Variants in NLGN1 observed in about 807,000 individuals in gnomAD.
The protein encoded by NLGN1 is neuroligin-1.
NLGN1 carries 12 observed loss-of-function variants against 65.5 expected under a neutral mutation model. The ratio of observed to expected loss-of-function variants is 0.18; its 90% CI spans 0.12 to 0.30. The LOEUF (loss-of-function observed/expected upper bound fraction) is 0.30. Among genes scored for constraint, NLGN1 ranks in the 10% least tolerant of loss-of-function variants. The pLI, the probability that NLGN1 is intolerant of heterozygous loss-of-function variation, is 1.00. For synonymous variants in NLGN1, 350 were observed against 359.5 expected (o/e 0.97, Z 0.30); for missense variants, 750 against 1,007.1 (o/e 0.74, Z 3.46).
At chr3:174,232,880 A>G (rs990893349) in intron 4 of NLGN1, among the ~76,000 whole-genome samples, 1 of 152,186 alleles carries the variant, frequency 6.6e-6, no homozygotes, top group African/African-American at 2.4e-5. Context: ...ATTAATGGAG[A>G]TTCTCTACAA....
downstream of NLGN1, among the ~76,000 whole-genome samples, chr3:174,287,144 C>G (rs1007318299): frequency 6.6e-6 from 1 of 151,238 alleles, no homozygotes; most frequent in African/African-American, 2.4e-5. Flanking sequence ...AAGTCTTGAT[C>G]AAATCATGTC....
intron 4 of NLGN1, among the ~76,000 whole-genome samples, chr3:173,827,700 T>A (rs932663235): frequency 7.3e-5 from 11 of 151,344 alleles, no homozygotes; most frequent in Non-Finnish European, 7.4e-5. Flanking sequence ...GGAAATTGGC[T>A]AATGCAAGTA....
chr3:174,140,635 A>G (rs1046434628), intron 4 of NLGN1, among the ~76,000 whole-genome samples: 1 of 152,152 alleles, frequency 6.6e-6, no homozygotes, highest in Admixed American at 6.5e-5. Flanking sequence ...GGGCTTAGCC[A>G]TTACTCCACG....
intron 2 of NLGN1, among the ~76,000 whole-genome samples, chr3:173,475,178 T>C (rs146517977): frequency 6.5e-4 from 99 of 152,290 alleles, no homozygotes; most frequent in African/African-American, 2.3e-3. Context: ...CTGTAATTAC[T>C]AAAGTTTGTG....
rs146793538 is a variant in NLGN1 at position 174,063,034 on chromosome 3, A to G, written c.647-212281A>G. On this transcript the variant is annotated intron_variant, in intron 4 of 6. Transcript: ENST00000457714. Reference sequence around the variant, plus strand: ...CCAGGCTTTGGAAAGTTTCCTCTGAAAGAAAACTCTATTATCTAGCAAAGA... The same window carrying G: ...CCAGGCTTTGGAAAGTTTCCTCTGAGAGAAAACTCTATTATCTAGCAAAGA... Among the ~76,000 whole-genome samples, 407 of 152,242 alleles carry G rather than the reference A, an allele frequency of 2.7e-3. 1 individual carries two copies. The highest frequency in any genetic ancestry group is 8.4e-3 in the African/African-American group (348 of 41,578).
intron 2 of NLGN1, among the ~76,000 whole-genome samples, chr3:173,601,916 G>A (rs1191059210): frequency 6.6e-6 from 1 of 151,952 alleles, no homozygotes; most frequent in Non-Finnish European, 1.5e-5. Context: ...TTCGTCTTCT[G>A]AAGAAACATA....
chr3:173,954,029 G>T (rs1430556898), intron 4 of NLGN1, among the ~76,000 whole-genome samples: 1 of 151,834 alleles, frequency 6.6e-6, no homozygotes, highest in Non-Finnish European at 1.5e-5. Context: ...AATAAATGAG[G>T]TATCTGAGAG....
intron 4 of NLGN1, among the ~76,000 whole-genome samples, chr3:174,062,278 G>A (rs898437676): frequency 3.3e-5 from 5 of 152,042 alleles, no homozygotes; most frequent in African/African-American, 1.2e-4. Context: ...TAATTATTAT[G>A]TTGTATTATC....
In NLGN1 at chr3:173,684,644, C is replaced by T. The variant is rs934870468; in HGVS notation, c.493+79553C>T. Among the ~76,000 whole-genome samples, 3 of 152,148 alleles carry T rather than the reference C, an allele frequency of 2.0e-5. No individual in the cohort carries two copies. The South Asian group carries it at 6.2e-4, about 32-fold the overall frequency. On this transcript the variant is annotated intron_variant, in intron 3 of 6. Transcript: ENST00000457714. ...CTAAGCTCATGTGACGTCCAATTTA[C>T]ATCATATTGGAAATGTCAGTCACTG... is the stretch of plus-strand genomic sequence containing the variant.
intron 2 of NLGN1, among the ~76,000 whole-genome samples, chr3:173,590,632 C>A (rs999189915): frequency 6.6e-6 from 1 of 152,064 alleles, no homozygotes; most frequent in African/African-American, 2.4e-5. Context: ...TGTGTTCTAG[C>A]CTTGGATGTT....
intron 2 of NLGN1, among the ~76,000 whole-genome samples, chr3:173,483,260 A>G (rs13327410): frequency 0.013 from 2,005 of 152,220 alleles, 45 homozygotes; most frequent in African/African-American, 0.046. Context: ...ATCAGGATAT[A>G]GTGGTTAACA....
chr3:173,631,408 A>T (rs534763611), intron 3 of NLGN1, among the ~76,000 whole-genome samples: 1 of 152,118 alleles, frequency 6.6e-6, no homozygotes, highest in African/African-American at 2.4e-5. Flanking sequence ...ACAGCAAAAA[A>T]CAACCAAAAG....
chr3:174,014,480 T>G (rs1349403613), intron 4 of NLGN1, among the ~76,000 whole-genome samples: 2 of 152,226 alleles, frequency 1.3e-5, no homozygotes, highest in Non-Finnish European at 2.9e-5. Context: ...GTTACCACTT[T>G]AGGAAGAAAG....
chr3:173,972,055 G>A (rs896036135), intron 4 of NLGN1, among the ~76,000 whole-genome samples: 2 of 151,996 alleles, frequency 1.3e-5, no homozygotes, highest in East Asian at 1.9e-4. Context: ...CCCACAGAAG[G>A]CCCCAAGAAA....
chr3:173,408,911 C>CAA lies in NLGN1; in HGVS notation c.-390+10439_-390+10440dup, dbSNP rs11344890. Among the ~76,000 whole-genome samples the CAA allele has an allele frequency of 9.0e-4, 112 of 124,850 alleles. 3 individuals carry two copies. Among genetic ancestry groups the CAA allele is most frequent in the African/African-American group, 1.5e-3 (51 of 33,280 alleles). The allele number at this position is 124,850 out of a possible 152,430, so 81.9% of individuals were successfully genotyped here. The stretch of plus-strand genomic sequence containing the variant: ...TGGGCAACAGAGCGAGACTCTGTCT[C>CAA]AAAAAAAAAAAAAAAAGAATAGGTG... On this transcript the variant is annotated intron_variant, in intron 1 of 6. Coordinates refer to ENST00000457714, the Ensembl canonical transcript of NLGN1.
At chr3:174,048,416 A>C (rs1734095569) in intron 4 of NLGN1, among the ~76,000 whole-genome samples, 1 of 152,124 alleles carries the variant, frequency 6.6e-6, no homozygotes, top group African/African-American at 2.4e-5. Flanking sequence ...ATTGGTGTCA[A>C]TGATGGCAAA....
At chr3:173,764,240 T>C in intron 3 of NLGN1, among the ~76,000 whole-genome samples, 1 of 152,118 alleles carries the variant, frequency 6.6e-6, no homozygotes, top group Non-Finnish European at 1.5e-5. Context: ...TGGAATGTGG[T>C]CTCCAGGAAA....
At chr3:174,126,286 C>G (rs140678688) in intron 4 of NLGN1, among the ~76,000 whole-genome samples, 1 of 152,052 alleles carries the variant, frequency 6.6e-6, no homozygotes, top group African/African-American at 2.4e-5. Context: ...CCTGTCTCTC[C>G]CATTAGATTT....
At position 173,539,577 on chromosome 3, in the gene NLGN1, TTA is replaced by T. The variant is rs780100679; in HGVS notation, c.-320-64700_-320-64699del. On this transcript the variant is annotated intron_variant, in intron 2 of 6. Coordinates refer to ENST00000457714, the Ensembl canonical transcript of NLGN1. ...ATACATAATATATATAACATATATG[TTA>T]TGTTATATATGTTATATAATATATG... Among the ~76,000 whole-genome samples the T allele has an allele frequency of 2.3e-3, 319 of 141,280 alleles. 2 individuals carry two copies. The highest frequency in any genetic ancestry group is 6.9e-3 in the African/African-American group (265 of 38,148). The allele number at this position is 141,280 out of a possible 152,430, so 92.7% of individuals were successfully genotyped here. A position where few individuals can be genotyped will look rare whatever the true frequency, so the allele number is the denominator to read the frequency against.
Sources: gnomAD v4.1 joint callset for allele counts (sites outside exome capture counted in the v4.1 genomes callset) on GRCh38, gnomAD v4.1.1 for gene constraint, MANE v1.5 for transcripts, NCBI Gene and HGNC (gene_info 2026-07-23, HGNC 2026-07-21) for gene names.